The following SZT2 variants were observed in gnomAD, a reference collection of about 807,000 sequenced individuals.
SZT2 encodes SZT2 subunit of KICSTOR complex.
SZT2 carries 216 observed loss-of-function variants against 404.2 expected under a neutral mutation model. The observed-to-expected ratio is 0.53, with a 90% confidence interval of 0.48 to 0.60. The LOEUF (loss-of-function observed/expected upper bound fraction) is 0.60, where lower values mean the gene tolerates loss of function less well. Ranked by LOEUF, SZT2 falls within the 20% of genes least tolerant of loss-of-function variation. The pLI, the probability that SZT2 is intolerant of heterozygous loss-of-function variation, is 0.00. For missense variants in SZT2, 3,857 were observed against 4,459.2 expected, an observed-to-expected ratio of 0.86 and a Z score of 3.85; for synonymous variants, 1,693 against 1,749.9, an observed-to-expected ratio of 0.97 and a Z score of 0.81.
rs141135758 is a variant in SZT2, at chr1:43,439,898, C to A, written c.7060C>A (p.Arg2354=). ...DSSSAQNGAP[R]LRLDVWEKGN... The stretch of plus-strand genomic sequence containing the variant: ...CCTTCCAGCTCAGAATGGGGCCCCA[C>A]GGCTTCGATTGGATGTGTGGGAAAA... The change falls in exon 51 of 72, where the codon CGG becomes AGG. Residue 2354 remains arginine, a synonymous_variant. Coordinates refer to ENST00000634258, the MANE Select transcript of SZT2 (RefSeq NM_001365999.1). This position sits in a 1 kb window ranked among gnomAD's most constrained non-coding sequence, Gnocchi z 4.2. 30 of 1,599,826 alleles carry A rather than the reference C, an allele frequency of 1.9e-5. No individual in the cohort carries two copies. The African/African-American group carries it at 3.7e-4, about 20-fold the overall frequency.
At position 43,453,288 on chromosome 1, in the gene SZT2, C is replaced by T. The variant is rs1027546262; in HGVS notation, c.*2808C>T. ...GCAGAGGCAGAGATAAACCAGTGGG[C>T]TCAGACTTCTGAGCGTCTCAGATCT... On this transcript the variant is annotated 3_prime_UTR_variant, in exon 72 of 72. Transcript: ENST00000634258. The T allele has an allele frequency of 5.0e-6, 4 of 801,170 alleles. No homozygotes were observed. Among genetic ancestry groups the T allele is most frequent in the Non-Finnish European group, 7.9e-6 (4 of 503,844 alleles). The allele number at this position is 801,170 out of a possible 1,614,324, so 49.6% of individuals were successfully genotyped here. A position where few individuals can be genotyped will look rare whatever the true frequency, so the allele number is the denominator to read the frequency against.
In SZT2 at chr1:43,431,374, T is replaced by TGCCACCCCC. The variant is rs772450542; in HGVS notation, c.5024+2_5024+3insGCCACCCCC. The TGCCACCCCC allele has an allele frequency of 3.1e-6, 5 of 1,610,636 alleles. No homozygotes were observed. The highest frequency in any genetic ancestry group is 3.4e-6 in the Non-Finnish European group (4 of 1,177,312). On this transcript the variant is annotated splice_region_variant and intron_variant, in intron 34 of 71. Transcript: ENST00000634258. ...ACTGCCACCCCCAGAAGAGGAGAGG[T>TGCCACCCCC]ACTTCTTTATCTCCCTGTCAGAGTT...
At position 43,442,415 on chromosome 1, in the gene SZT2, T is replaced by G; in HGVS notation, c.7975-27T>G. On this transcript the variant is annotated intron_variant, in intron 57 of 71. Transcript: ENST00000634258. The surrounding 1 kb of genome is among the most constrained non-coding windows in gnomAD (Gnocchi z 4.5). ...GGGTGGGAAGAGGGGTTCCGTGATC[T>G]CACTGACCCTGACCCCCGACCTCCA... 1 of 1,611,562 alleles carries G rather than the reference T, an allele frequency of 6.2e-7. No homozygotes were observed.
At position 43,419,738 on chromosome 1, in the gene SZT2, GA is replaced by G. The variant is rs1557539326; in HGVS notation, c.885del (p.Gly296GlufsTer17). The G allele has an allele frequency of 6.3e-7, 1 of 1,597,740 alleles. No individual in the cohort carries two copies. The highest frequency in any genetic ancestry group is 1.7e-5 in the Admixed American group (1 of 59,898). On this transcript the variant is annotated frameshift_variant, in exon 8 of 72. Transcript: ENST00000634258. LOFTEE classifies it high-confidence loss of function. ...TCAGTTGCTCACTTTTTCCAGGTGG[GA>G]GGAGTTTACTCTTATGACTGCAGTT... ...GTVACSFVQVGGVYSYDCSFG... is the reference protein window; with the variant it reads ...GTVACSFVQVXGVYSYDCSFG...
chr1:43,435,355 T>G, intron 42 of SZT2, 26 bp downstream of exon 42: 1 of 1,612,948 alleles, frequency 6.2e-7, no homozygotes, highest in Non-Finnish European at 8.5e-7. Context: ...GGAGCCTCCC[T>G]CACAAGGCAG....
chr1:43,403,296 G>A lies in SZT2; in HGVS notation c.147G>A (p.Glu49=), dbSNP rs745914076. The change falls in exon 2 of 72, where the codon GAG becomes GAA. Residue 49 remains glutamate (E), a synonymous_variant. Transcript: ENST00000634258. Reference sequence around the variant, plus strand: ...AAACTGTGCAGGCCACACCCCAGGAGATGCTGGTGAGGCTTAGACACACGA... The same window carrying A: ...AAACTGTGCAGGCCACACCCCAGGAAATGCTGGTGAGGCTTAGACACACGA... ...LHQTVQATPQ[E]MLLQSEQELE... is the part of the protein sequence containing the mutation. 3.1e-6 allele frequency: 5 copies of A among 1,613,372 alleles called. No individual in the cohort carries two copies. The highest frequency in any genetic ancestry group is 3.4e-6 in the Non-Finnish European group (4 of 1,179,978).
chr1:43,432,635 G>A (rs1352538160), intron 38 of SZT2, 31 bp downstream of exon 38: 2 of 1,613,306 alleles, frequency 1.2e-6, no homozygotes, highest in African/African-American at 2.7e-5. Context: ...CAGTCTGGAG[G>A]CCAGGACCAG....
chr1:43,399,125 A>G (rs906142552), intron 1 of SZT2, among the ~76,000 whole-genome samples: 6 of 152,154 alleles, frequency 3.9e-5, no homozygotes, highest in African/African-American at 1.4e-4. Flanking sequence ...TTGGTTTCCA[A>G]TGCTACTTTA....
Position 43,426,224 on chromosome 1 carries a change from A to C in SZT2, c.3043+73A>C. 6.5e-7 allele frequency: 1 copy of C among 1,544,620 alleles called. No individual in the cohort carries two copies. Among genetic ancestry groups the C allele is most frequent in the Non-Finnish European group, 8.8e-7 (1 of 1,134,932 alleles). The stretch of plus-strand genomic sequence containing the variant: ...GCCTGGAAGTATTAGAAAATAACAA[A>C]CAGATGGGTCAGCAAGTGAGCAGAT... On this transcript the variant is annotated intron_variant, in intron 21 of 71. Coordinates refer to ENST00000634258, the MANE Select transcript of SZT2 (RefSeq NM_001365999.1). This position sits in a 1 kb window ranked among gnomAD's most constrained non-coding sequence, Gnocchi z 4.9.
Position 43,448,839 on chromosome 1 carries a change from C to T in SZT2, c.10086+111C>T, listed in dbSNP as rs1041555769. The T allele has an allele frequency of 6.2e-6, 6 of 960,552 alleles. No homozygotes were observed. Among genetic ancestry groups the T allele is most frequent in the African/African-American group, 3.2e-5 (2 of 61,860 alleles). The allele number at this position is 960,552 out of a possible 1,614,324, so 59.5% of individuals were successfully genotyped here. On this transcript the variant is annotated intron_variant, in intron 70 of 71. Transcript: ENST00000634258. The surrounding 1 kb of genome is among the most constrained non-coding windows in gnomAD (Gnocchi z 4.2). Reference sequence around the variant, plus strand: ...GCTCTGCTCTGGAGGGAGGCCTAGACAGAACGGGACTACACAGATACATGT... The same window carrying T: ...GCTCTGCTCTGGAGGGAGGCCTAGATAGAACGGGACTACACAGATACATGT...
rs761381881 is a variant in SZT2 at position 43,432,720 on chromosome 1, C to G, written c.5531-8C>G. On this transcript the variant is annotated splice_polypyrimidine_tract_variant and splice_region_variant and intron_variant, in intron 38 of 71. Transcript: ENST00000634258. ...GAGAGGCTCCAGGCATTTTCCTTCT[C>G]TATCCAGGGAGTCAGCCTGGGCCCA... 49 of 1,613,822 alleles carry G rather than the reference C, an allele frequency of 3.0e-5. No homozygotes were observed. Among genetic ancestry groups the G allele is most frequent in the Admixed American group, 3.3e-5 (2 of 59,980 alleles).
intron 46 of SZT2, chr1:43,438,241 G>A: frequency 8.3e-6 from 3 of 363,128 alleles, no homozygotes; most frequent in Non-Finnish European, 1.5e-5. Context: ...GGGGAGCTGG[G>A]GTGGCTGGAG....
In SZT2 at chr1:43,453,517, C is replaced by T; in HGVS notation, c.*3037C>T. ...GGTCTCCTGCAGAGAGAACGGGCCT[C>T]AGCCCCCGGCTCGGACACTCCCCTG... On this transcript the variant is annotated 3_prime_UTR_variant, in exon 72 of 72. Coordinates refer to ENST00000634258, the MANE Select transcript of SZT2 (RefSeq NM_001365999.1). 1.3e-6 allele frequency: 2 copies of T among 1,537,516 alleles called. No homozygotes were observed. Among genetic ancestry groups the T allele is most frequent in the East Asian group, 4.9e-5 (2 of 40,728 alleles).
intron 40 of SZT2, among the ~76,000 whole-genome samples, chr1:43,434,116 G>C (rs912383602): frequency 6.6e-6 from 1 of 152,162 alleles, no homozygotes; most frequent in Non-Finnish European, 1.5e-5. Flanking sequence ...GCATAAAGGA[G>C]CCTCAGTGTG....
chr1:43,447,192 T>C lies in SZT2; in HGVS notation c.9286+24T>C, dbSNP rs769660810. 2.5e-6 allele frequency: 4 copies of C among 1,595,386 alleles called. 1 individual carries two copies. The highest frequency in any genetic ancestry group is 4.6e-5 in the East Asian group (2 of 43,670). On this transcript the variant is annotated intron_variant, in intron 66 of 71. Transcript: ENST00000634258. ...AGGTCAGTGCCCAAGGGCAAGCCAG[T>C]GAACCCAAAAAAGAACAGGCCACAG...
At chr1:43,413,871 A>AT (rs1220136234) in intron 4 of SZT2, among the ~76,000 whole-genome samples, 1 of 152,226 alleles carries the variant, frequency 6.6e-6, no homozygotes, top group Non-Finnish European at 1.5e-5. Context: ...GAAAGAATGA[A>AT]TAAGATCTAG....
At chr1:43,436,486 T>A (rs1457802769) in intron 42 of SZT2, 1 of 152,300 alleles carries the variant, frequency 6.6e-6, no homozygotes, top group Non-Finnish European at 1.5e-5. Flanking sequence ...AATTTTTCCC[T>A]GAAACCCTTA....
chr1:43,412,805 C>G (rs1020955001), intron 4 of SZT2: 1 of 151,838 alleles, frequency 6.6e-6, no homozygotes, highest in African/African-American at 2.4e-5. Context: ...AAAAAAAAAT[C>G]CAATAATCTG....
At position 43,452,971 on chromosome 1, in the gene SZT2, ACT is replaced by A. The variant is rs954032005; in HGVS notation, c.*2493_*2494del. ...TTGCCACAGCACCCTTGCAAGGAAC[ACT>A]CAACTTCCTGCCCATCAAGCAATGC... is the stretch of plus-strand genomic sequence containing the variant. On this transcript the variant is annotated 3_prime_UTR_variant, in exon 72 of 72. Transcript: ENST00000634258. 2 of 1,608,362 alleles carry A rather than the reference ACT, an allele frequency of 1.2e-6. No homozygotes were observed. Among genetic ancestry groups the A allele is most frequent in the African/African-American group, 2.7e-5 (2 of 74,794 alleles).
Sources: allele counts gnomAD v4.1 joint callset (sites outside exome capture counted in the v4.1 genomes callset), GRCh38; gene constraint gnomAD v4.1.1; non-coding constraint Gnocchi (gnomAD v3.1); transcripts MANE v1.5; gene names NCBI Gene and HGNC (gene_info 2026-07-23, HGNC 2026-07-21).